INPP5F: variants seen among roughly 807,000 people sequenced by gnomAD.
The protein encoded by INPP5F is phosphatidylinositide 4-phosphatase SAC2.
A neutral mutation model predicts 137.2 loss-of-function variants in INPP5F; 97 were observed. The ratio of observed to expected loss-of-function variants is 0.71; its 90% CI spans 0.60 to 0.84. The LOEUF is 0.84. Among genes scored for constraint, INPP5F ranks in the 40% least tolerant of loss-of-function variants. INPP5F has a pLI of 0.00. For synonymous variants in INPP5F, 504 were observed against 476.9 expected (o/e 1.06, Z -0.74); for missense variants, 1,271 against 1,371.9 (o/e 0.93, Z 1.16).
chr10:119,779,296 C>G (rs1264321783), intron 2 of INPP5F, among the ~76,000 whole-genome samples: 1 of 152,142 alleles, frequency 6.6e-6, no homozygotes, highest in Admixed American at 6.5e-5. Context: ...CTGGATGAGT[C>G]AGTGAGTGAA....
intron 6 of INPP5F, among the ~76,000 whole-genome samples, chr10:119,792,812 A>G (rs1850196219): frequency 6.6e-6 from 1 of 152,208 alleles, no homozygotes. Context: ...ATATTTATGG[A>G]AGGCCTGTTA....
intron 1 of INPP5F, among the ~76,000 whole-genome samples, chr10:119,743,274 ACAT>A (rs1436449982): frequency 1.3e-5 from 2 of 151,924 alleles, no homozygotes; most frequent in African/African-American, 4.8e-5. Flanking sequence ...CCCCCTTTCT[ACAT>A]CATATGTTTA....
chr10:119,739,893 A>G (rs555069573), intron 1 of INPP5F, among the ~76,000 whole-genome samples: 16 of 152,254 alleles, frequency 1.1e-4, no homozygotes, highest in African/African-American at 3.6e-4. Flanking sequence ...GTGTTGGTTT[A>G]CAGGTGTAAG....
Position 119,805,273 on chromosome 10 carries a change from A to G in INPP5F, c.1242-111A>G, listed in dbSNP as rs554189373. On this transcript the variant is annotated intron_variant, in intron 10 of 19. Coordinates refer to ENST00000650623, the MANE Select transcript of INPP5F (RefSeq NM_014937.4). Reference sequence around the variant, plus strand: ...AGTAGTATTAACCTCATATATGTACAGCAACAATTCTTTTTAATTTTTCGA... The same window carrying G: ...AGTAGTATTAACCTCATATATGTACGGCAACAATTCTTTTTAATTTTTCGA... 2.2e-5 allele frequency: 16 copies of G among 737,770 alleles called. No homozygotes were observed. The East Asian group carries it at 3.8e-4, about 17-fold the overall frequency. The allele number at this position is 737,770 out of a possible 1,614,324, so 45.7% of individuals were successfully genotyped here.
intron 3 of INPP5F, among the ~76,000 whole-genome samples, chr10:119,785,286 G>GTTTTTTTTGTTTTTTTTTTTTTTT (rs1849846687): frequency 2.0e-4 from 21 of 106,236 alleles, no homozygotes; most frequent in African/African-American, 7.8e-4. Context: ...CTGCCAGACT[G>GTTTTTTTTGTTTTTTTTTTTTTTT]TTTTTTTTTT....
At position 119,791,642 on chromosome 10, in the gene INPP5F, GAA is replaced by G. The variant is rs1342798804; in HGVS notation, c.443_444del (p.Lys148SerfsTer2). 4 of 1,600,968 alleles carry G rather than the reference GAA, an allele frequency of 2.5e-6. No individual in the cohort carries two copies. Among genetic ancestry groups the G allele is most frequent in the Non-Finnish European group, 3.4e-6 (4 of 1,170,524 alleles). ...CCAATGTGTCTGCTCCTAATAAAAA[GAA>G]AGTAAGAGTTTAATTGATATAGGCT... is the stretch of plus-strand genomic sequence containing the variant. ...KSNVSAPNKKKVKESKEKEKL... is the reference protein window; with the variant it reads ...KSNVSAPNKKXVKESKEKEKL... On this transcript the variant is annotated frameshift_variant and splice_region_variant, in exon 4 of 20. Coordinates refer to ENST00000650623, the MANE Select transcript of INPP5F (RefSeq NM_014937.4). LOFTEE classifies it high-confidence loss of function.
intron 2 of INPP5F, among the ~76,000 whole-genome samples, chr10:119,771,612 C>T (rs1849338747): frequency 1.3e-5 from 2 of 151,562 alleles, no homozygotes; most frequent in African/African-American, 4.9e-5. Context: ...TGCTTATAGT[C>T]TTCATTTTCC....
intron 2 of INPP5F, 88 bp from the exon 3 acceptor site, chr10:119,781,547 G>C (rs1262139864): frequency 1.9e-6 from 2 of 1,069,028 alleles, no homozygotes; most frequent in Non-Finnish European, 1.3e-6. Flanking sequence ...TTTTTTTTTT[G>C]TTATCATTGT....
chr10:119,761,433 G>C lies in INPP5F; in HGVS notation c.178+10277G>C, dbSNP rs921851236. On this transcript the variant is annotated intron_variant, in intron 2 of 19. Transcript: ENST00000650623. The stretch of plus-strand genomic sequence containing the variant: ...AATGTGATGTACTTTTAGCTATTAG[G>C]TACCTGACGTTGAACAAACCAGCAC... 5.9e-5 allele frequency among the ~76,000 whole-genome samples: 9 copies of C among 152,262 alleles called. No homozygotes were observed. In the East Asian group the frequency reaches 1.7e-3, roughly 29 times the overall value.
chr10:119,731,851 A>G (rs1425999443), intron 1 of INPP5F, among the ~76,000 whole-genome samples: 6 of 152,080 alleles, frequency 3.9e-5, no homozygotes, highest in African/African-American at 7.2e-5. Context: ...ATCTTATACT[A>G]CTTTTTACTC....
chr10:119,812,377 TC>T (rs1362232792), intron 15 of INPP5F, among the ~76,000 whole-genome samples: 2 of 31,458 alleles, frequency 6.4e-5, no homozygotes, highest in African/African-American at 2.5e-4. Flanking sequence ...CAACTAATAT[TC>T]TTTTTTTTTT....
In INPP5F at chr10:119,726,146, C is replaced by T. The variant is rs931370694; in HGVS notation, c.-117C>T. On this transcript the variant is annotated 5_prime_UTR_variant, in exon 1 of 20. Coordinates refer to ENST00000650623, the MANE Select transcript of INPP5F (RefSeq NM_014937.4). ...CGGGGCGTTCCCTCTGCCGCTGCTT[C>T]TCGGCGCGGTTCCTACCCGGCCGCT... The T allele has an allele frequency of 3.8e-6, 2 of 523,134 alleles. No homozygotes were observed. Among genetic ancestry groups the T allele is most frequent in the South Asian group, 4.6e-5 (1 of 21,902 alleles). 32.4% of individuals were successfully genotyped at this position (523,134 alleles called of 1,614,324 possible). A position where few individuals can be genotyped will look rare whatever the true frequency, so the allele number is the denominator to read the frequency against.
chr10:119,753,259 G>A (rs1848739339), intron 2 of INPP5F, among the ~76,000 whole-genome samples: 2 of 152,106 alleles, frequency 1.3e-5, no homozygotes, highest in Non-Finnish European at 2.9e-5. Context: ...TCACATCTTA[G>A]CACAGTGAAT....
chr10:119,813,624 C>CA (rs1036756965), intron 15 of INPP5F, among the ~76,000 whole-genome samples: 32 of 151,022 alleles, frequency 2.1e-4, no homozygotes, highest in Middle Eastern at 3.4e-3. Context: ...GACCCTGTCT[C>CA]AAAAAAAACA....
intron 15 of INPP5F, among the ~76,000 whole-genome samples, chr10:119,814,126 TC>T (rs1354996169): frequency 2.6e-5 from 4 of 152,086 alleles, no homozygotes; most frequent in Non-Finnish European, 5.9e-5. Flanking sequence ...GCACGGTGGC[TC>T]ACGCCTGTAA....
chr10:119,753,492 C>T (rs1426455917), intron 2 of INPP5F, among the ~76,000 whole-genome samples: 1 of 152,158 alleles, frequency 6.6e-6, no homozygotes, highest in African/African-American at 2.4e-5. Context: ...GGGTCATTCA[C>T]GTAGCAACAT....
chr10:119,819,592 C>G (rs1472874922), intron 15 of INPP5F: 1 of 1,417,168 alleles, frequency 7.1e-7, no homozygotes, highest in African/African-American at 1.4e-5. Context: ...TGGTATTATT[C>G]TCTATGAAGC....
At chr10:119,776,966 G>T (rs113085551) in intron 2 of INPP5F, among the ~76,000 whole-genome samples, 1,630 of 152,186 alleles carry the variant, frequency 0.011, 6 homozygotes, top group Non-Finnish European at 0.018. Flanking sequence ...GCCCAGGCTG[G>T]TTTCAAACTT....
intron 2 of INPP5F, among the ~76,000 whole-genome samples, chr10:119,761,395 G>A (rs1849004836): frequency 6.6e-6 from 1 of 152,150 alleles, no homozygotes; most frequent in South Asian, 2.1e-4. Context: ...GTCACTGAGA[G>A]CATTAGAAGC....
Sources: allele counts gnomAD v4.1 joint callset (sites outside exome capture counted in the v4.1 genomes callset), GRCh38; gene constraint gnomAD v4.1.1; transcripts MANE v1.5; gene names NCBI Gene and HGNC (gene_info 2026-07-23, HGNC 2026-07-21).